CERS3: variants seen among roughly 807,000 people sequenced by gnomAD.
The protein encoded by CERS3 is LAG1 homolog, ceramide synthase 3.
In CERS3, 33 loss-of-function variants were observed where a neutral mutation model predicts 50.3. The observed-to-expected ratio is 0.66, with a 90% confidence interval of 0.50 to 0.88. CERS3 has a LOEUF of 0.88. Ranked by LOEUF, CERS3 falls within the 40% of genes least tolerant of loss-of-function variation. The pLI is 0.00. For synonymous variants in CERS3, 176 were observed against 155.2 expected (o/e 1.13, Z -0.99); for missense variants, 470 against 460.3 (o/e 1.02, Z -0.19).
chr15:100,427,680 A>G (rs1430518237), intron 11 of CERS3, among the ~76,000 whole-genome samples: 1 of 152,236 alleles, frequency 6.6e-6, no homozygotes, highest in Non-Finnish European at 1.5e-5. Context: ...AAGATTGGGA[A>G]GTACTGTCCC....
intron 10 of CERS3, among the ~76,000 whole-genome samples, chr15:100,465,437 A>C (rs547868573): frequency 6.6e-4 from 100 of 152,160 alleles, no homozygotes; most frequent in Middle Eastern, 6.8e-3. Context: ...TGCTGGTGGC[A>C]AGTTCATGCT....
At chr15:100,434,183 T>C (rs547079960) in intron 11 of CERS3, among the ~76,000 whole-genome samples, 133 of 152,350 alleles carry the variant, frequency 8.7e-4, no homozygotes, top group African/African-American at 3.0e-3. Context: ...TGGAGGAATC[T>C]TGAGGCCGAG....
intron 5 of CERS3, among the ~76,000 whole-genome samples, chr15:100,482,929 T>C (rs578190362): frequency 2.8e-4 from 43 of 152,358 alleles, no homozygotes; most frequent in African/African-American, 9.6e-4. Context: ...TTTAGTCTGT[T>C]TATCTAGTCC....
intron 8 of CERS3, 93 bp from the exon 9 acceptor site, chr15:100,473,145 C>T: frequency 5.4e-6 from 7 of 1,301,014 alleles, no homozygotes; most frequent in Non-Finnish European, 7.3e-6. Flanking sequence ...AGACCAATAA[C>T]TTACATCTGC....
chr15:100,543,862 T>A (rs2037265901), intron 1 of CERS3, among the ~76,000 whole-genome samples: 1 of 152,202 alleles, frequency 6.6e-6, no homozygotes, highest in African/African-American at 2.4e-5. Context: ...TTTGAGGTCC[T>A]AGCATGTATA....
In CERS3 at chr15:100,480,031, A is replaced by C; in HGVS notation, c.423T>G (p.Phe141Leu). 5 of 1,611,434 alleles carry C rather than the reference A, an allele frequency of 3.1e-6. No individual in the cohort carries two copies. Among genetic ancestry groups the C allele is most frequent in the Non-Finnish European group, 4.2e-6 (5 of 1,178,808 alleles). ...KFQEACWRFA[F>L]YLMITVAGIA... ...TTCCAGCAACAGTGATCATTAAGTA[A>C]AATGCAAATCTCCAGCTGCCAAAAG... The change falls in exon 6 of 12, where the codon TTT becomes TTG. Residue 141 changes from phenylalanine (F) to leucine (L), a missense_variant. By Grantham distance (22) the Phe-to-Leu change is conservative. Coordinates refer to ENST00000679737, the MANE Select transcript of CERS3 (RefSeq NM_001378789.1).
intron 11 of CERS3, among the ~76,000 whole-genome samples, chr15:100,442,161 T>A (rs2654592): frequency 1.3e-5 from 2 of 152,130 alleles, no homozygotes; most frequent in African/African-American, 2.4e-5. Flanking sequence ...AATCAGATAG[T>A]GTTTAGGCTC....
At position 100,415,041 on chromosome 15, in the gene CERS3, C is replaced by A. The variant is rs140360272; in HGVS notation, c.1000-12176G>T. On this transcript the variant is annotated intron_variant, in intron 11 of 11. Transcript: ENST00000679737. The stretch of plus-strand genomic sequence containing the variant: ...AAATTTTTGCAATCTACCCATCTGG[C>A]AAAGGGCTAATATCCAGAACCTACA... Among the ~76,000 whole-genome samples the A allele has an allele frequency of 9.5e-3, 1,452 of 152,140 alleles. 24 individuals are homozygous for A. The highest frequency in any genetic ancestry group is 0.033 in the African/African-American group (1,360 of 41,488).
In CERS3 at chr15:100,456,064, T is replaced by C. The variant is rs774942584; in HGVS notation, c.846-18A>G. On this transcript the variant is annotated intron_variant, in intron 10 of 11. Coordinates refer to ENST00000679737, the MANE Select transcript of CERS3 (RefSeq NM_001378789.1). The stretch of plus-strand genomic sequence containing the variant: ...ATAAAATCCTGAAACACCAAACAGT[T>C]GAGAGAATTTCATTACAACCAAAGC... 1 of 1,579,580 alleles carries C rather than the reference T, an allele frequency of 6.3e-7. No individual in the cohort carries two copies. The highest frequency in any genetic ancestry group is 1.4e-5 in the African/African-American group (1 of 73,064).
intron 1 of CERS3, among the ~76,000 whole-genome samples, chr15:100,542,136 TA>T (rs59672037): frequency 4.1e-4 from 62 of 151,750 alleles, no homozygotes; most frequent in Middle Eastern, 3.4e-3. Context: ...TGCTCAAAAT[TA>T]AAAAAAAATC....
At chr15:100,489,451 C>A (rs1379130269) in intron 4 of CERS3, among the ~76,000 whole-genome samples, 3 of 152,210 alleles carry the variant, frequency 2.0e-5, no homozygotes, top group South Asian at 2.1e-4. Context: ...TGGTAAGGAC[C>A]AAATTTTCTA....
intron 11 of CERS3, among the ~76,000 whole-genome samples, chr15:100,419,796 C>T (rs1338205762): frequency 2.1e-5 from 3 of 144,752 alleles, no homozygotes; most frequent in South Asian, 4.7e-4. Flanking sequence ...AACCACTCAA[C>T]TACATGGAAA....
intron 11 of CERS3, among the ~76,000 whole-genome samples, chr15:100,449,175 C>T (rs115052279): frequency 0.011 from 1,652 of 152,328 alleles, 29 homozygotes; most frequent in African/African-American, 0.038. Context: ...TGATTGGTAT[C>T]TGAGCACTCC....
chr15:100,540,303 G>A (rs1753206763), intron 1 of CERS3, among the ~76,000 whole-genome samples: 1 of 152,188 alleles, frequency 6.6e-6, no homozygotes, highest in Admixed American at 6.5e-5. Flanking sequence ...AGCACTTTGG[G>A]AAGCCGAGGT....
intron 11 of CERS3, among the ~76,000 whole-genome samples, chr15:100,418,328 T>C (rs2032127821): frequency 6.6e-6 from 1 of 151,774 alleles, no homozygotes; most frequent in South Asian, 2.1e-4. Context: ...AGAAAGGGTA[T>C]CAGGGATGGA....
intron 1 of CERS3, among the ~76,000 whole-genome samples, chr15:100,540,712 G>A (rs971414503): frequency 1.2e-4 from 19 of 152,142 alleles, no homozygotes; most frequent in Admixed American, 4.6e-4. Context: ...ACCTATGTGC[G>A]CGTACAGGTA....
intron 11 of CERS3, among the ~76,000 whole-genome samples, chr15:100,403,221 T>C (rs1198327599): frequency 6.6e-6 from 1 of 152,002 alleles, no homozygotes; most frequent in Admixed American, 6.6e-5. Context: ...TAAATGAAAA[T>C]GAAAATGCAA....
chr15:100,429,039 G>A (rs1216110526), intron 11 of CERS3, among the ~76,000 whole-genome samples: 2 of 152,234 alleles, frequency 1.3e-5, no homozygotes, highest in Admixed American at 6.5e-5. Flanking sequence ...GAAAGGCAGG[G>A]CCTGACCCCA....
chr15:100,504,711 G>A (rs1163277862), intron 2 of CERS3, among the ~76,000 whole-genome samples: 1 of 152,144 alleles, frequency 6.6e-6, no homozygotes. Context: ...GGGGTGAAGG[G>A]GTGACCACGG....
Sources: gnomAD v4.1 joint callset for allele counts (sites outside exome capture counted in the v4.1 genomes callset) on GRCh38, gnomAD v4.1.1 for gene constraint, MANE v1.5 for transcripts, NCBI Gene and HGNC (gene_info 2026-07-23, HGNC 2026-07-21) for gene names.